The following ATP11B variants were observed in gnomAD, a reference collection of about 807,000 sequenced individuals.
ATP11B encodes the protein phospholipid-transporting ATPase IF.
A neutral mutation model predicts 157.8 loss-of-function variants in ATP11B; 81 were observed. That is an observed-to-expected ratio of 0.51 (90% CI 0.43 to 0.62). The LOEUF is 0.62. ATP11B is among the 20% of genes least tolerant of loss of function. ATP11B has a pLI of 0.00. For missense variants in ATP11B, 1,165 were observed against 1,402.2 expected, an observed-to-expected ratio of 0.83 and a Z score of 2.70; for synonymous variants, 451 against 469.4, an observed-to-expected ratio of 0.96 and a Z score of 0.51.
At chr3:182,883,954 CAA>C (rs1170838231) in intron 21 of ATP11B, among the ~76,000 whole-genome samples, 65 of 63,384 alleles carry the variant, frequency 1.0e-3, no homozygotes, top group Non-Finnish European at 1.7e-3. Flanking sequence ...GACTCCGTCT[CAA>C]AAAAAAAAAA....
chr3:182,847,920 C>T (rs184308839), intron 9 of ATP11B, among the ~76,000 whole-genome samples: 3 of 152,212 alleles, frequency 2.0e-5, no homozygotes, highest in Non-Finnish European at 4.4e-5. Context: ...CTACTGTCAT[C>T]CTTGCTCATC....
rs1193903604 is a variant in ATP11B at position 182,873,792 on chromosome 3, T to A, written c.2049-20T>A. 6 of 1,598,096 alleles carry A rather than the reference T, an allele frequency of 3.8e-6. No homozygotes were observed. In the South Asian group the frequency reaches 6.6e-5, roughly 18 times the overall value. ...TCATAAAAGTATTCTCTACTACTAA[T>A]TTGTTTCTGTTCTTTTCAGACTACA... On this transcript the variant is annotated intron_variant, in intron 18 of 29. Coordinates refer to ENST00000323116, the MANE Select transcript of ATP11B (RefSeq NM_014616.3).
intron 10 of ATP11B, 46 bp downstream of exon 10, chr3:182,848,603 A>AT: frequency 9.2e-7 from 1 of 1,087,188 alleles, no homozygotes; most frequent in Non-Finnish European, 1.3e-6. Flanking sequence ...ATAACTCTAC[A>AT]TTTTTTATTC....
chr3:182,857,840 T>G, intron 10 of ATP11B, 38 bp from the exon 11 acceptor site: 4 of 1,295,176 alleles, frequency 3.1e-6, no homozygotes, highest in South Asian at 1.4e-5. Flanking sequence ...TAGTAATACA[T>G]GAGTTGTATG....
rs142298511 is a variant in ATP11B, at chr3:182,841,519, G to A, written c.657-556G>A. 2.9e-3 allele frequency among the ~76,000 whole-genome samples: 440 copies of A among 152,196 alleles called. 2 individuals are homozygous for A. Among genetic ancestry groups the A allele is most frequent in the South Asian group, 9.3e-3 (45 of 4,824 alleles). ...AAAATCCAAAATGATCCAGATTCTT[G>A]CCATTTTGAAAACATTTATTCATTA... On this transcript the variant is annotated intron_variant, in intron 7 of 29. Transcript: ENST00000323116.
intron 1 of ATP11B, among the ~76,000 whole-genome samples, chr3:182,810,933 A>T (rs1201397880): frequency 6.6e-6 from 1 of 152,182 alleles, no homozygotes; most frequent in African/African-American, 2.4e-5. Context: ...TAAAATCCTG[A>T]AATAAAATTT....
intron 29 of ATP11B, chr3:182,917,383 T>G (rs1262739709): frequency 1.0e-6 from 1 of 985,250 alleles, no homozygotes; most frequent in Non-Finnish European, 1.2e-6. Flanking sequence ...AGTTTACAGC[T>G]GCACATAAAG....
At chr3:182,887,802 A>G (rs1418947443) in intron 24 of ATP11B, 89 bp downstream of exon 24, 6 of 1,366,966 alleles carry the variant, frequency 4.4e-6, no homozygotes, top group Non-Finnish European at 6.0e-6. Context: ...TTAATGCTTT[A>G]CTAAGGAAAG....
At chr3:182,887,243 G>A (rs138004370) in intron 23 of ATP11B, among the ~76,000 whole-genome samples, 27 of 152,240 alleles carry the variant, frequency 1.8e-4, no homozygotes, top group South Asian at 6.2e-4. Flanking sequence ...GCATGTGGAA[G>A]GAGTAGTAAG....
chr3:182,859,216 A>G lies in ATP11B; in HGVS notation c.1057A>G (p.Ile353Val). Reference protein sequence around the residue: ...LAFLVLYNFIIPISLYVTVEM... With the variant: ...LAFLVLYNFIVPISLYVTVEM... ...TTTTTTGGTTCTCTACAATTTCATC[A>G]TTCCAATTTCATTATATGTGACAGT... Residue 353 changes from isoleucine to valine, a missense_variant, in exon 12 of 30, where the codon ATT becomes GTT. Around this residue, in one of 4 missense-constraint regions of ATP11B, gnomAD observed 737 missense variants for 930.5 expected, o/e 0.79. Transcript: ENST00000323116. 6.2e-7 allele frequency: 1 copy of G among 1,612,722 alleles called. No individual in the cohort carries two copies.
chr3:182,901,775 TA>T (rs1181264769), intron 28 of ATP11B, among the ~76,000 whole-genome samples: 2 of 152,228 alleles, frequency 1.3e-5, no homozygotes, highest in Non-Finnish European at 2.9e-5. Context: ...GGTAGGCCAT[TA>T]GACAAGTTAA....
chr3:182,820,351 T>C lies in ATP11B; in HGVS notation c.119T>C (p.Ile40Thr), dbSNP rs1717252239. 1 of 1,608,808 alleles carries C rather than the reference T, an allele frequency of 6.2e-7. No individual in the cohort carries two copies. Among genetic ancestry groups the C allele is most frequent in the African/African-American group, 1.3e-5 (1 of 74,820 alleles). ...QNGLYTPQKF[I>T]DNRIISSKYT... ...GGCCTTTACACACCTCAGAAATTTATAGATAACAGGATCATTTCATCTAAG... is the reference window on the plus strand; with the variant it reads ...GGCCTTTACACACCTCAGAAATTTACAGATAACAGGATCATTTCATCTAAG... Residue 40 changes from isoleucine to threonine, a missense_variant, in exon 2 of 30, where the codon ATA becomes ACA. Physicochemically the swap from Ile to Thr is moderately conservative, Grantham distance 89. This residue lies in a region of ATP11B where 91 missense variants were observed against 95.8 expected (regional missense o/e 0.95). Transcript: ENST00000323116.
intron 17 of ATP11B, among the ~76,000 whole-genome samples, chr3:182,869,561 AAACTATGCTATTTTAG>A (rs757373382): frequency 3.3e-5 from 5 of 152,188 alleles, no homozygotes; most frequent in Admixed American, 1.3e-4. Context: ...AGGTCTACTC[AAACTATGCTATTTTAG>A]AAGAGTGTTT....
At chr3:182,853,303 G>A (rs532157676) in intron 10 of ATP11B, among the ~76,000 whole-genome samples, 1 of 152,230 alleles carries the variant, frequency 6.6e-6, no homozygotes, top group Non-Finnish European at 1.5e-5. Flanking sequence ...CGCCTCCCGG[G>A]TTCAAGCGAT....
intron 26 of ATP11B, among the ~76,000 whole-genome samples, chr3:182,897,041 T>G (rs1305113042): frequency 1.3e-5 from 2 of 152,148 alleles, no homozygotes; most frequent in African/African-American, 2.4e-5. Flanking sequence ...GTAATTTGTT[T>G]TAGGCCATGG....
chr3:182,851,420 C>T (rs974592028), intron 10 of ATP11B, among the ~76,000 whole-genome samples: 1 of 152,136 alleles, frequency 6.6e-6, no homozygotes, highest in African/African-American at 2.4e-5. Context: ...CGTTTCTTCT[C>T]AATTTGGGTC....
At position 182,919,424 on chromosome 3, in the gene ATP11B, TC is replaced by T. The variant is rs1560142110; in HGVS notation, c.*1322del. 6.6e-6 allele frequency: 1 copy of T among 152,654 alleles called. No individual in the cohort carries two copies. The highest frequency in any genetic ancestry group is 1.9e-4 in the East Asian group (1 of 5,198). 9.5% of individuals were successfully genotyped at this position (152,654 alleles called of 1,614,324 possible). On this transcript the variant is annotated 3_prime_UTR_variant, in exon 30 of 30. Transcript: ENST00000323116. ...ACTCATTGCACTTCAAAACCTAACT[TC>T]CATCCTGAATTTATCAAGTAGTTCA...
chr3:182,815,031 G>A (rs1411627388), intron 1 of ATP11B, among the ~76,000 whole-genome samples: 1 of 152,180 alleles, frequency 6.6e-6, no homozygotes, highest in African/African-American at 2.4e-5. Context: ...CCTGGAGCCA[G>A]AGATGAGCTA....
rs566538532 is a variant in ATP11B at position 182,807,284 on chromosome 3, G to A, written c.28-12976G>A. On this transcript the variant is annotated intron_variant, in intron 1 of 29. Coordinates refer to ENST00000323116, the MANE Select transcript of ATP11B (RefSeq NM_014616.3). Reference sequence around the variant, plus strand: ...TGTGATAAGACTACAGAATGCATTAGGGGAAGGAAAGTCTAGCAGTGGTAT... The same window carrying A: ...TGTGATAAGACTACAGAATGCATTAAGGGAAGGAAAGTCTAGCAGTGGTAT... 2.6e-5 allele frequency among the ~76,000 whole-genome samples: 4 copies of A among 152,244 alleles called. No homozygotes were observed. The East Asian group carries it at 7.7e-4, about 29-fold the overall frequency.
Sources: gnomAD v4.1 joint callset for allele counts (sites outside exome capture counted in the v4.1 genomes callset) on GRCh38, gnomAD v4.1.1 for gene constraint, gnomAD v4.1.1 regional missense constraint, MANE v1.5 for transcripts, NCBI Gene and HGNC (gene_info 2026-07-23, HGNC 2026-07-21) for gene names.